TRHDE: variants seen among roughly 807,000 people sequenced by gnomAD.
TRHDE encodes the protein thyrotropin-releasing hormone-degrading ectoenzyme.
Under a neutral mutation model 125.7 loss-of-function variants are expected in TRHDE, and 72 were observed. That is an observed-to-expected ratio of 0.57 (90% CI 0.47 to 0.70). The LOEUF is 0.70. Ranked by LOEUF, TRHDE falls within the 30% of genes least tolerant of loss-of-function variation. The pLI is 0.00. For missense variants in TRHDE, 1,110 were observed against 1,327.1 expected (o/e 0.84, Z 2.54); for synonymous variants, 509 against 509.1 (o/e 1.00, Z 0.00).
chr12:72,279,067 A>G (rs371441455), intron 1 of TRHDE, among the ~76,000 whole-genome samples: 1 of 152,224 alleles, frequency 6.6e-6, no homozygotes, highest in Non-Finnish European at 1.5e-5. Flanking sequence ...ATAAAGATGG[A>G]CCTGATACTG....
chr12:72,560,703 G>A, intron 7 of TRHDE: 1 of 152,248 alleles, frequency 6.6e-6, no homozygotes, highest in Non-Finnish European at 1.5e-5. Context: ...GTGTGCACCT[G>A]CAGTCCTAGC....
At chr12:72,511,615 T>C (rs1238822879) in intron 6 of TRHDE, among the ~76,000 whole-genome samples, 1 of 152,204 alleles carries the variant, frequency 6.6e-6, no homozygotes, top group Non-Finnish European at 1.5e-5. Context: ...GATAGTTTTA[T>C]TGATATTTTT....
chr12:72,269,366 G>C (rs1303820778), upstream of TRHDE, among the ~76,000 whole-genome samples: 1 of 152,092 alleles, frequency 6.6e-6, no homozygotes, highest in Admixed American at 6.6e-5. Flanking sequence ...AGTAAGTTGT[G>C]TCCATTCTAT....
chr12:72,282,361 T>C (rs1450270258), intron 1 of TRHDE, among the ~76,000 whole-genome samples: 1 of 152,196 alleles, frequency 6.6e-6, no homozygotes, highest in Non-Finnish European at 1.5e-5. Context: ...CCAAACTTGT[T>C]ATTTTTTTCT....
At chr12:72,343,625 T>C (rs761043467) in intron 2 of TRHDE, among the ~76,000 whole-genome samples, 1 of 152,162 alleles carries the variant, frequency 6.6e-6, no homozygotes, top group Non-Finnish European at 1.5e-5. Context: ...GCCAATTGTT[T>C]ATGTTTTCAG....
At chr12:72,447,990 A>C (rs985519853) in intron 3 of TRHDE, among the ~76,000 whole-genome samples, 7 of 152,100 alleles carry the variant, frequency 4.6e-5, no homozygotes, top group African/African-American at 1.7e-4. Flanking sequence ...TAAAGAAAAA[A>C]GTAGCTGATT....
intron 2 of TRHDE, among the ~76,000 whole-genome samples, chr12:72,170,141 G>T (rs1465473793): frequency 6.6e-6 from 1 of 152,158 alleles, no homozygotes; most frequent in East Asian, 1.9e-4. Context: ...AGGTGTTAAG[G>T]CTAGTATAGC....
rs182250550 is a variant in TRHDE at position 72,534,955 on chromosome 12, A to T, written c.1723-7336A>T. On this transcript the variant is annotated intron_variant, in intron 6 of 18. Coordinates refer to ENST00000261180, the MANE Select transcript of TRHDE (RefSeq NM_013381.3). The stretch of plus-strand genomic sequence containing the variant: ...ATTATCTGGTCACATGGAAAAAAGC[A>T]TTGGTAAGTAGTGGTGAATCTCATT... Among the ~76,000 whole-genome samples the T allele has an allele frequency of 3.2e-4, 49 of 152,210 alleles. No individual in the cohort carries two copies. In the East Asian group the frequency reaches 7.8e-3, roughly 24 times the overall value.
rs1375493476 is a variant in TRHDE, at chr12:72,402,917, G to T, written c.1315+24796G>T. On this transcript the variant is annotated intron_variant, in intron 3 of 18. Transcript: ENST00000261180. ...TCTCAGAGTTGAGGACCAGCTCTAA[G>T]CTGATGACTACTTCCTCACGAATCT... Among the ~76,000 whole-genome samples, 3 of 152,124 alleles carry T rather than the reference G, an allele frequency of 2.0e-5. No homozygotes were observed. The East Asian group carries it at 5.8e-4, about 29-fold the overall frequency.
Position 72,327,928 on chromosome 12 carries a change from A to G in TRHDE, c.1188+40974A>G, listed in dbSNP as rs574708638. Among the ~76,000 whole-genome samples the G allele has an allele frequency of 2.6e-4, 40 of 152,222 alleles. 1 individual carries two copies. In the South Asian group the frequency reaches 8.1e-3, roughly 31 times the overall value. Reference sequence around the variant, plus strand: ...CACACATTTCCTCATCAATTTTCTTACTAGAAGTGTGTATAGGGCAAGCAG... The same window carrying G: ...CACACATTTCCTCATCAATTTTCTTGCTAGAAGTGTGTATAGGGCAAGCAG... On this transcript the variant is annotated intron_variant, in intron 2 of 18. Coordinates refer to ENST00000261180, the MANE Select transcript of TRHDE (RefSeq NM_013381.3).
intron 12 of TRHDE, among the ~76,000 whole-genome samples, chr12:72,593,976 A>T (rs1206150962): frequency 6.6e-6 from 1 of 152,218 alleles, no homozygotes; most frequent in Non-Finnish European, 1.5e-5. Context: ...CAATAAACAT[A>T]CCTGTGCATG....
At chr12:72,485,612 G>A (rs969395253) in intron 5 of TRHDE, among the ~76,000 whole-genome samples, 2 of 152,100 alleles carry the variant, frequency 1.3e-5, no homozygotes, top group African/African-American at 4.8e-5. Context: ...GCAGCATCCT[G>A]TCCCTGGGGA....
chr12:72,343,089 C>T (rs1717263136), intron 2 of TRHDE, among the ~76,000 whole-genome samples: 1 of 152,088 alleles, frequency 6.6e-6, no homozygotes, highest in Non-Finnish European at 1.5e-5. Context: ...GCCAGGCAGT[C>T]AGACTTCAGC....
chr12:72,341,865 A>T (rs575206506), intron 2 of TRHDE, among the ~76,000 whole-genome samples: 11 of 152,228 alleles, frequency 7.2e-5, no homozygotes, highest in African/African-American at 2.4e-4. Flanking sequence ...TCTAAAAGTA[A>T]CTTCTTCAAA....
At chr12:72,282,441 C>T (rs964543638) in intron 1 of TRHDE, among the ~76,000 whole-genome samples, 20 of 152,102 alleles carry the variant, frequency 1.3e-4, no homozygotes, top group African/African-American at 3.1e-4. Context: ...GTCTCACTTC[C>T]ACTAATTGAA....
chr12:72,589,241 T>C (rs1379453474), intron 12 of TRHDE, among the ~76,000 whole-genome samples: 1 of 152,168 alleles, frequency 6.6e-6, no homozygotes, highest in Non-Finnish European at 1.5e-5. Flanking sequence ...ATAATATATT[T>C]TCTTATGATC....
At chr12:72,098,489 T>G (rs1874990308) in intron 1 of TRHDE, among the ~76,000 whole-genome samples, 1 of 152,216 alleles carries the variant, frequency 6.6e-6, no homozygotes, top group African/African-American at 2.4e-5. Context: ...TCTTTGGCAA[T>G]GTAACTTTGC....
intron 2 of TRHDE, among the ~76,000 whole-genome samples, chr12:72,176,073 C>A (rs1199169304): frequency 6.6e-6 from 1 of 152,134 alleles, no homozygotes; most frequent in Non-Finnish European, 1.5e-5. Context: ...AATTTCTGGT[C>A]CGGCCAGGTA....
chr12:72,425,856 GCAA>G (rs1188400612), intron 3 of TRHDE, among the ~76,000 whole-genome samples: 4 of 151,876 alleles, frequency 2.6e-5, no homozygotes, highest in Non-Finnish European at 5.9e-5. Flanking sequence ...AACAGCAGCA[GCAA>G]CAACAACAAG....
Sources: allele counts gnomAD v4.1 joint callset (sites outside exome capture counted in the v4.1 genomes callset), GRCh38; gene constraint gnomAD v4.1.1; transcripts MANE v1.5; gene names NCBI Gene and HGNC (gene_info 2026-07-23, HGNC 2026-07-21).